Variants in NBAS observed in about 807,000 individuals in gnomAD.
NBAS encodes NBAS subunit of NRZ tethering complex.
NBAS carries 219 observed loss-of-function variants against 302.5 expected under a neutral mutation model. That is an observed-to-expected ratio of 0.72 (90% confidence interval 0.65 to 0.81). The LOEUF is 0.81. Ranked by LOEUF, NBAS falls within the 30% of genes least tolerant of loss-of-function variation. The pLI, the probability that NBAS is intolerant of heterozygous loss-of-function variation, is 0.00. For synonymous variants in NBAS, 1,118 were observed against 1,021.6 expected (o/e 1.09, Z -1.80); for missense variants, 2,932 against 2,841.6 (o/e 1.03, Z -0.72).
At chr2:15,208,916 T>C (rs1642919681) in intron 48 of NBAS, among the ~76,000 whole-genome samples, 2 of 151,842 alleles carry the variant, frequency 1.3e-5, no homozygotes, top group African/African-American at 2.4e-5. Context: ...AAATCAAATA[T>C]AAAATTAGTA....
At chr2:15,223,272 G>C (rs1667026326) in intron 47 of NBAS, among the ~76,000 whole-genome samples, 1 of 152,002 alleles carries the variant, frequency 6.6e-6, no homozygotes, top group East Asian at 1.9e-4. Context: ...GGGAAACAGA[G>C]AGGAAGAACC....
At position 15,354,632 on chromosome 2, in the gene NBAS, T is replaced by C. The variant is rs1335326312; in HGVS notation, c.3932-922A>G. Among the ~76,000 whole-genome samples the C allele has an allele frequency of 2.0e-5, 3 of 152,356 alleles. No individual in the cohort carries two copies. In the East Asian group the frequency reaches 5.8e-4, roughly 29 times the overall value. Reference sequence around the variant, plus strand: ...AAACAATTTGCTAATGCTGAAGTTGTAATATATTGAATCATTTTTGAAGAG... The same window carrying C: ...AAACAATTTGCTAATGCTGAAGTTGCAATATATTGAATCATTTTTGAAGAG... On this transcript the variant is annotated intron_variant, in intron 33 of 51. Transcript: ENST00000281513.
At chr2:15,329,785 C>T (rs1033179647) in intron 36 of NBAS, among the ~76,000 whole-genome samples, 9 of 152,186 alleles carry the variant, frequency 5.9e-5, no homozygotes, top group African/African-American at 1.2e-4. Context: ...CATATCTCTG[C>T]TCGAAGTGAC....
chr2:14,887,006 T>A, the NBAS span, among the ~76,000 whole-genome samples: 1 of 152,304 alleles, frequency 6.6e-6, no homozygotes, highest in African/African-American at 2.4e-5. Context: ...ACTGGAAATT[T>A]AACCTTCTTA....
intron 35 of NBAS, among the ~76,000 whole-genome samples, chr2:15,333,598 T>C (rs1672446621): frequency 6.6e-6 from 1 of 152,102 alleles, no homozygotes; most frequent in South Asian, 2.1e-4. Flanking sequence ...CACAAGGTAT[T>C]TTCCAATTAA....
intron 48 of NBAS, among the ~76,000 whole-genome samples, chr2:15,203,882 G>GTGCT (rs1157162399): frequency 8.0e-6 from 1 of 124,930 alleles, no homozygotes; most frequent in African/African-American, 3.1e-5. Context: ...GTGTGTGTGT[G>GTGCT]TGTGTGCTTG....
the NBAS span, among the ~76,000 whole-genome samples, chr2:14,899,896 C>T: frequency 2.0e-5 from 3 of 152,052 alleles, no homozygotes; most frequent in Non-Finnish European, 4.4e-5. Context: ...TTTCAGGGAG[C>T]AAAGTAATTC....
At chr2:14,848,849 A>G in the NBAS span, among the ~76,000 whole-genome samples, 1 of 151,252 alleles carries the variant, frequency 6.6e-6, no homozygotes, top group African/African-American at 2.4e-5. Context: ...ATTCCAACAG[A>G]CCTGCAGCTG....
intron 47 of NBAS, among the ~76,000 whole-genome samples, chr2:15,220,659 T>C (rs1050513084): frequency 1.3e-5 from 2 of 152,200 alleles, no homozygotes; most frequent in South Asian, 2.1e-4. Context: ...CAATGGATTA[T>C]TTATCCATAA....
chr2:14,799,838 C>G, the NBAS span, among the ~76,000 whole-genome samples: 1 of 152,104 alleles, frequency 6.6e-6, no homozygotes, highest in Non-Finnish European at 1.5e-5. Flanking sequence ...AGTCTTTATT[C>G]TGAATTGTAG....
At chr2:14,994,228 C>A in the NBAS span, among the ~76,000 whole-genome samples, 1 of 152,144 alleles carries the variant, frequency 6.6e-6, no homozygotes, top group Non-Finnish European at 1.5e-5. Context: ...AAGCTTAAAA[C>A]CGATTGCCAT....
chr2:15,135,829 C>T, the NBAS span, among the ~76,000 whole-genome samples: 2 of 142,406 alleles, frequency 1.4e-5, no homozygotes, highest in Non-Finnish European at 1.5e-5. Flanking sequence ...TCTTGGGCCA[C>T]ACATAAAATA....
the NBAS span, among the ~76,000 whole-genome samples, chr2:15,060,079 C>T: frequency 6.6e-6 from 1 of 152,194 alleles, no homozygotes; most frequent in East Asian, 1.9e-4. Context: ...CGCCAGCATG[C>T]TGAGTGACGC....
the NBAS span, among the ~76,000 whole-genome samples, chr2:14,956,815 T>C: frequency 6.6e-6 from 1 of 152,154 alleles, no homozygotes; most frequent in African/African-American, 2.4e-5. Context: ...TTACAGGAAC[T>C]ACAATTCAAG....
At chr2:14,842,812 C>T in the NBAS span, among the ~76,000 whole-genome samples, 77 of 150,254 alleles carry the variant, frequency 5.1e-4, no homozygotes, top group African/African-American at 1.8e-3. Context: ...TTCTATGAGG[C>T]CAGCATTTTC....
At chr2:14,924,432 C>T in the NBAS span, among the ~76,000 whole-genome samples, 1 of 152,228 alleles carries the variant, frequency 6.6e-6, no homozygotes, top group African/African-American at 2.4e-5. Context: ...CCACCACAGG[C>T]CTGCCTGCTA....
chr2:15,421,080 T>C (rs1216364008), intron 23 of NBAS, among the ~76,000 whole-genome samples: 1 of 152,100 alleles, frequency 6.6e-6, no homozygotes, highest in Middle Eastern at 3.2e-3. Context: ...TAATGCCTAG[T>C]AATAAAAACA....
the NBAS span, among the ~76,000 whole-genome samples, chr2:15,051,006 A>G: frequency 2.6e-5 from 4 of 152,194 alleles, no homozygotes; most frequent in Non-Finnish European, 5.9e-5. Context: ...TCCCCTACCC[A>G]GTAAGCTGCT....
the NBAS span, among the ~76,000 whole-genome samples, chr2:15,008,972 A>T: frequency 4.6e-5 from 7 of 152,156 alleles, no homozygotes; most frequent in Admixed American, 2.0e-4. Flanking sequence ...GGATTAGCAA[A>T]TTAAAGTGAT....
Sources: allele counts gnomAD v4.1 joint callset (sites outside exome capture counted in the v4.1 genomes callset), GRCh38; gene constraint gnomAD v4.1.1; transcripts MANE v1.5; gene names NCBI Gene and HGNC (gene_info 2026-07-23, HGNC 2026-07-21).